The following INTS8 variants were observed in gnomAD, a reference collection of about 807,000 sequenced individuals.
INTS8 encodes integrator complex subunit 8.
INTS8 carries 47 observed loss-of-function variants against 138.9 expected under a neutral mutation model. That is an observed-to-expected ratio of 0.34 (90% CI 0.27 to 0.43). The LOEUF (loss-of-function observed/expected upper bound fraction) is 0.43. INTS8 is among the 20% of genes least tolerant of loss of function. The pLI is 1.00. For synonymous variants in INTS8, 392 were observed against 400.9 expected (o/e 0.98, Z 0.27); for missense variants, 996 against 1,173.0 (o/e 0.85, Z 2.20).
chr8:94,844,120 C>T (rs1815242661), intron 10 of INTS8, among the ~76,000 whole-genome samples: 1 of 151,518 alleles, frequency 6.6e-6, no homozygotes, highest in African/African-American at 2.4e-5. Context: ...CTCACTGCAA[C>T]CTCCGCCTCC....
chr8:94,845,561 C>T (rs1815303013), intron 10 of INTS8, among the ~76,000 whole-genome samples: 1 of 152,182 alleles, frequency 6.6e-6, no homozygotes, highest in African/African-American at 2.4e-5. Context: ...CTCCCGCGTT[C>T]AAGTGACTCT....
In INTS8 at chr8:94,844,026, C is replaced by CTTT. The variant is rs539302253; in HGVS notation, c.1260+1548_1260+1550dup. On this transcript the variant is annotated intron_variant, in intron 10 of 26. Coordinates refer to ENST00000523731, the MANE Select transcript of INTS8 (RefSeq NM_017864.4). ...TTTTTTTTTTTGAGATAGAGTTCTG[C>CTTT]TTTTTTTTTTTTATTTTTTTATTTT... is the stretch of plus-strand genomic sequence containing the variant. Among the ~76,000 whole-genome samples the CTTT allele has an allele frequency of 3.6e-5, 5 of 139,262 alleles. 1 individual carries two copies. Among genetic ancestry groups the CTTT allele is most frequent in the Admixed American group, 7.2e-5 (1 of 13,910 alleles). 91.4% of individuals were successfully genotyped at this position (139,262 alleles called of 152,430 possible).
intron 20 of INTS8, among the ~76,000 whole-genome samples, chr8:94,869,171 A>G (rs1274912610): frequency 6.6e-6 from 1 of 151,426 alleles, no homozygotes; most frequent in African/African-American, 2.4e-5. Flanking sequence ...TAGTAGAGAC[A>G]GGTTTCTTCA....
At chr8:94,879,460 T>C (rs1816704146) in intron 26 of INTS8, among the ~76,000 whole-genome samples, 2 of 151,606 alleles carry the variant, frequency 1.3e-5, no homozygotes, top group South Asian at 4.2e-4. Context: ...ACGGACGAGA[T>C]GGCGGGCGTC....
At chr8:94,865,922 T>G (rs1429682925) in intron 17 of INTS8, among the ~76,000 whole-genome samples, 4 of 152,224 alleles carry the variant, frequency 2.6e-5, no homozygotes, top group Non-Finnish European at 4.4e-5. Flanking sequence ...ATTAATCATT[T>G]AATCAACTGG....
intron 14 of INTS8, 33 bp from the exon 15 acceptor site, chr8:94,856,744 A>G (rs1208071289): frequency 6.3e-7 from 1 of 1,593,540 alleles, no homozygotes. Flanking sequence ...GCCAAAGGAA[A>G]GGTGACCCAG....
chr8:94,851,578 G>A lies in INTS8; in HGVS notation c.1533G>A (p.Gln511=), dbSNP rs368814864. 16 of 1,592,326 alleles carry A rather than the reference G, an allele frequency of 1.0e-5. No homozygotes were observed. Among genetic ancestry groups the A allele is most frequent in the Middle Eastern group, 1.7e-4 (1 of 6,036 alleles). The change falls in exon 13 of 27, where the codon CAG becomes CAA. Residue 511 remains glutamine, a synonymous_variant. Transcript: ENST00000523731. ...CTTCAGCAAGTGTCAACATTGGTCA[G>A]TTAGAGCATCAACTTATATTGTCAG... is the stretch of plus-strand genomic sequence containing the variant. ...IPASASVNIG[Q]LEHQLILSVD... is the part of the protein sequence containing the mutation.
At chr8:94,837,641 A>G (rs1002238515) in intron 7 of INTS8, among the ~76,000 whole-genome samples, 3 of 151,958 alleles carry the variant, frequency 2.0e-5, no homozygotes, top group African/African-American at 7.3e-5. Flanking sequence ...CGCTCCTTTA[A>G]ATCTCTGCTG....
At chr8:94,872,554 A>G (rs1816435523) in intron 21 of INTS8, among the ~76,000 whole-genome samples, 2 of 152,166 alleles carry the variant, frequency 1.3e-5, no homozygotes, top group Admixed American at 1.3e-4. Flanking sequence ...AAATCTAATT[A>G]ATCTTTAAGG....
chr8:94,864,169 T>C (rs964729014), intron 16 of INTS8, among the ~76,000 whole-genome samples: 12 of 145,316 alleles, frequency 8.3e-5, no homozygotes, highest in Non-Finnish European at 1.7e-4. Flanking sequence ...TTTATTGAAC[T>C]TTTTTTTTTA....
At chr8:94,827,616 C>A in intron 3 of INTS8, 106 bp from the exon 4 acceptor site, 1 of 1,075,288 alleles carries the variant, frequency 9.3e-7, no homozygotes, top group Non-Finnish European at 1.4e-6. Context: ...TACCATGTGT[C>A]AATTAATGCT....
At chr8:94,842,509 C>T (rs1404046877) in intron 10 of INTS8, 21 bp downstream of exon 10, 10 of 1,575,732 alleles carry the variant, frequency 6.3e-6, no homozygotes, top group East Asian at 2.3e-5. Context: ...TTTTTCTTTC[C>T]CCTTTTGATT....
chr8:94,876,203 C>T lies in INTS8; in HGVS notation c.2763-18C>T, dbSNP rs181077054. On this transcript the variant is annotated intron_variant, in intron 24 of 26. Transcript: ENST00000523731. ...CAACATTTTTCTGCTTAAGAAGTAA[C>T]TGAATTCTGTCTTTCAGTCATGATG... 2.4e-4 allele frequency: 388 copies of T among 1,609,812 alleles called. 1 individual carries two copies. The African/African-American group carries it at 4.7e-3, about 20-fold the overall frequency.
intron 12 of INTS8, among the ~76,000 whole-genome samples, chr8:94,851,287 A>G (rs191723157): frequency 1.4e-3 from 219 of 152,260 alleles, no homozygotes; most frequent in African/African-American, 5.1e-3. Flanking sequence ...TTTGCATGAA[A>G]TATTGATTTT....
Position 94,881,446 on chromosome 8 carries a change from CAT to C in INTS8, c.*1214_*1215del, listed in dbSNP as rs1816806276. The C allele has an allele frequency of 1.7e-6, 1 of 584,896 alleles. No individual in the cohort carries two copies. The highest frequency in any genetic ancestry group is 2.9e-6 in the Non-Finnish European group (1 of 339,634). 36.2% of individuals were successfully genotyped at this position (584,896 alleles called of 1,614,324 possible). A position where few individuals can be genotyped will look rare whatever the true frequency, so the allele number is the denominator to read the frequency against. On this transcript the variant is annotated 3_prime_UTR_variant, in exon 27 of 27. Coordinates refer to ENST00000523731, the MANE Select transcript of INTS8 (RefSeq NM_017864.4). ...GTCCTGCTGTTTCTTTAACAGCTAA[CAT>C]AGGAAATAATTAAATGTATTCTTTA...
rs1055362298 is a variant in INTS8 at position 94,850,339 on chromosome 8, G to C, written c.1507+248G>C. ...AGATTTTAGCTGGGGAAGGCTGGGC[G>C]TGGTGGCTCACGCCTGTAATCCCAG... is the stretch of plus-strand genomic sequence containing the variant. On this transcript the variant is annotated intron_variant, in intron 12 of 26. Coordinates refer to ENST00000523731, the MANE Select transcript of INTS8 (RefSeq NM_017864.4). Among the ~76,000 whole-genome samples, 12 of 152,324 alleles carry C rather than the reference G, an allele frequency of 7.9e-5. No individual in the cohort carries two copies. The South Asian group carries it at 2.5e-3, about 32-fold the overall frequency.
chr8:94,863,424 A>G (rs914591445), intron 16 of INTS8, among the ~76,000 whole-genome samples: 2 of 152,156 alleles, frequency 1.3e-5, no homozygotes, highest in Admixed American at 1.3e-4. Context: ...ATGCTTTCCC[A>G]TATTCTTTTC....
chr8:94,856,637 A>G (rs1815755890), intron 14 of INTS8, 140 bp from the exon 15 acceptor site: 1 of 652,564 alleles, frequency 1.5e-6, no homozygotes, highest in Non-Finnish European at 2.7e-6. Flanking sequence ...AGATGAAAAT[A>G]CTATCTAGCC....
intron 16 of INTS8, among the ~76,000 whole-genome samples, chr8:94,861,112 A>C (rs115901243): frequency 6.6e-6 from 1 of 151,686 alleles, no homozygotes; most frequent in African/African-American, 2.4e-5. Context: ...ACTTTTGTAA[A>C]ACTGTGCCAC....
Sources: allele counts gnomAD v4.1 joint callset (sites outside exome capture counted in the v4.1 genomes callset), GRCh38; gene constraint gnomAD v4.1.1; transcripts MANE v1.5; gene names NCBI Gene and HGNC (gene_info 2026-07-23, HGNC 2026-07-21).